Variants in ESRRG observed in about 807,000 individuals in gnomAD.
ESRRG encodes estrogen-related receptor gamma.
ESRRG carries 13 observed loss-of-function variants against 44.0 expected under a neutral mutation model. The observed-to-expected ratio is 0.30, with a 90% CI of 0.19 to 0.47. ESRRG has a LOEUF of 0.47. Ranked by LOEUF, ESRRG falls within the 20% of genes least tolerant of loss-of-function variation. The pLI, the probability that ESRRG is intolerant of heterozygous loss-of-function variation, is 1.00. For synonymous variants in ESRRG, 215 were observed against 214.6 expected (o/e 1.00, Z -0.02); for missense variants, 395 against 580.6 (o/e 0.68, Z 3.29).
intron 1 of ESRRG, among the ~76,000 whole-genome samples, chr1:217,111,827 A>G (rs551829522): frequency 6.6e-6 from 1 of 152,350 alleles, no homozygotes; most frequent in East Asian, 1.9e-4. Flanking sequence ...CTCATTGAGA[A>G]GACTACAGAC....
chr1:216,817,622 T>G (rs1478352694), intron 2 of ESRRG, among the ~76,000 whole-genome samples: 1 of 152,208 alleles, frequency 6.6e-6, no homozygotes, highest in Non-Finnish European at 1.5e-5. Flanking sequence ...CATCTAATAT[T>G]CCATTTTTTA....
chr1:217,043,026 T>C (rs2084163575), intron 1 of ESRRG, among the ~76,000 whole-genome samples: 1 of 152,168 alleles, frequency 6.6e-6, no homozygotes. Flanking sequence ...TAAAATGCAT[T>C]CTCATAAATT....
At chr1:217,100,588 A>G (rs2092496121) in intron 1 of ESRRG, among the ~76,000 whole-genome samples, 1 of 152,222 alleles carries the variant, frequency 6.6e-6, no homozygotes, top group Non-Finnish European at 1.5e-5. Context: ...TTGTAAAGAA[A>G]AGAGGTTTAA....
chr1:216,801,557 C>T (rs2094620132), intron 2 of ESRRG, among the ~76,000 whole-genome samples: 2 of 152,084 alleles, frequency 1.3e-5, no homozygotes, highest in South Asian at 4.1e-4. Context: ...ACATGCTCAC[C>T]AAGAGTGTAC....
intron 1 of ESRRG, among the ~76,000 whole-genome samples, chr1:217,080,300 A>G (rs2091640288): frequency 6.6e-6 from 1 of 152,190 alleles, no homozygotes; most frequent in Non-Finnish European, 1.5e-5. Context: ...CTAAATTGAA[A>G]AAAACTCAAG....
chr1:216,616,491 C>T (rs1326250349), intron 3 of ESRRG, among the ~76,000 whole-genome samples: 3 of 152,198 alleles, frequency 2.0e-5, no homozygotes, highest in Admixed American at 6.5e-5. Context: ...GATTTCTCTA[C>T]ATTTTGTTTA....
At chr1:216,907,587 G>A (rs962764543) in intron 2 of ESRRG, among the ~76,000 whole-genome samples, 10 of 152,126 alleles carry the variant, frequency 6.6e-5, no homozygotes, top group Admixed American at 2.6e-4. Flanking sequence ...AAGGAATAGC[G>A]CCTTCCCTTG....
chr1:216,755,113 C>A (rs1029770904), intron 2 of ESRRG, among the ~76,000 whole-genome samples: 6 of 151,838 alleles, frequency 4.0e-5, no homozygotes, highest in African/African-American at 1.5e-4. Flanking sequence ...GGTTCCAAAG[C>A]AATTCATGAT....
At chr1:216,566,829 G>A (rs922727137) in intron 4 of ESRRG, among the ~76,000 whole-genome samples, 1 of 152,128 alleles carries the variant, frequency 6.6e-6, no homozygotes, top group South Asian at 2.1e-4. Context: ...ATGTTTTTTG[G>A]AAAGGCAAAA....
intron 1 of ESRRG, among the ~76,000 whole-genome samples, chr1:216,685,449 G>C (rs1404048522): frequency 1.3e-5 from 2 of 152,128 alleles, no homozygotes; most frequent in African/African-American, 4.8e-5. Flanking sequence ...AAGTTTGCTT[G>C]TGTTCAGACA....
intron 3 of ESRRG, among the ~76,000 whole-genome samples, chr1:216,605,786 A>G (rs191137145): frequency 2.6e-5 from 4 of 152,126 alleles, no homozygotes; most frequent in Admixed American, 6.5e-5. Flanking sequence ...CAATGAAACT[A>G]TGAAAGAGAA....
intron 2 of ESRRG, among the ~76,000 whole-genome samples, chr1:216,669,869 G>T (rs2074790761): frequency 6.7e-6 from 1 of 150,150 alleles, no homozygotes; most frequent in Non-Finnish European, 1.5e-5. Context: ...CTGGGTAACA[G>T]AAAGAGACTC....
chr1:216,566,809 A>G (rs1357525378), intron 4 of ESRRG, among the ~76,000 whole-genome samples: 1 of 152,234 alleles, frequency 6.6e-6, no homozygotes, highest in Non-Finnish European at 1.5e-5. Context: ...TTGAAGGTAT[A>G]ATCAACATAA....
chr1:216,766,654 G>A (rs144220265), intron 2 of ESRRG, among the ~76,000 whole-genome samples: 2 of 152,056 alleles, frequency 1.3e-5, no homozygotes, highest in East Asian at 3.9e-4. Flanking sequence ...GATATCTGAT[G>A]TGATGGCAAC....
chr1:216,680,295 G>A (rs2076814751), intron 1 of ESRRG, among the ~76,000 whole-genome samples: 1 of 152,112 alleles, frequency 6.6e-6, no homozygotes, highest in Non-Finnish European at 1.5e-5. Context: ...TTCTCTTTAG[G>A]AAACCGAGCC....
intron 5 of ESRRG, among the ~76,000 whole-genome samples, chr1:216,539,456 CT>C (rs1285815888): frequency 6.6e-6 from 1 of 151,984 alleles, no homozygotes; most frequent in African/African-American, 2.4e-5. Flanking sequence ...CCCTTCCCCC[CT>C]ACCTTGTTTT....
rs11572494 is a variant in ESRRG, at chr1:216,938,095, C to T, written c.-14+1487G>A. On this transcript the variant is annotated intron_variant, in intron 2 of 7. Coordinates refer to the ESRRG transcript ENST00000359162. ...CACCTGCCTCACATTACAAAGCAGA[C>T]GTGTTCTTGAAAAGTTGAGCATGTA... is the stretch of plus-strand genomic sequence containing the variant. Among the ~76,000 whole-genome samples, 617 of 152,056 alleles carry T rather than the reference C, an allele frequency of 4.1e-3. 5 individuals carry two copies. The highest frequency in any genetic ancestry group is 0.014 in the African/African-American group (588 of 41,480).
chr1:217,106,983 C>G (rs998710470), intron 1 of ESRRG, among the ~76,000 whole-genome samples: 1 of 152,132 alleles, frequency 6.6e-6, no homozygotes, highest in Admixed American at 6.5e-5. Flanking sequence ...AACCTTTAAA[C>G]CAGAACAACT....
chr1:216,857,314 A>AG (rs1253273070), intron 2 of ESRRG, among the ~76,000 whole-genome samples: 1 of 151,882 alleles, frequency 6.6e-6, no homozygotes, highest in East Asian at 1.9e-4. Context: ...GATAGAAAAC[A>AG]ATTCTCTGAA....
Sources: gnomAD v4.1 joint callset for allele counts (sites outside exome capture counted in the v4.1 genomes callset) on GRCh38, gnomAD v4.1.1 for gene constraint, MANE v1.5 for transcripts, NCBI Gene and HGNC (gene_info 2026-07-23, HGNC 2026-07-21) for gene names.